INPP5F: variants seen among roughly 807,000 people sequenced by gnomAD.
The protein encoded by INPP5F is inositol polyphosphate-5-phosphatase F, also known as phosphatidylinositide 4-phosphatase SAC2.
INPP5F carries 97 observed loss-of-function variants against 137.2 expected under a neutral mutation model. That is an observed-to-expected ratio of 0.71 (90% CI 0.60 to 0.84). The LOEUF (loss-of-function observed/expected upper bound fraction) is 0.84, where lower values mean the gene tolerates loss of function less well. INPP5F is among the 40% of genes least tolerant of loss of function. The pLI is 0.00. For missense variants in INPP5F, 1,271 were observed against 1,371.9 expected, an observed-to-expected ratio of 0.93 and a Z score of 1.16; for synonymous variants, 504 against 476.9, an observed-to-expected ratio of 1.06 and a Z score of -0.74.
intron 19 of INPP5F, among the ~76,000 whole-genome samples, chr10:119,825,768 TCTG>T (rs895627123): frequency 2.0e-5 from 3 of 152,232 alleles, no homozygotes; most frequent in African/African-American, 7.2e-5. Flanking sequence ...TGGTCCACAT[TCTG>T]CTAGTGAAGA....
intron 3 of INPP5F, among the ~76,000 whole-genome samples, chr10:119,785,115 C>T (rs1197855763): frequency 6.6e-6 from 1 of 151,548 alleles, no homozygotes; most frequent in African/African-American, 2.4e-5. Flanking sequence ...AGTTGGTAGA[C>T]ATTTGAGTTG....
chr10:119,728,105 GA>G (rs1473784187), intron 1 of INPP5F, among the ~76,000 whole-genome samples: 1 of 152,258 alleles, frequency 6.6e-6, no homozygotes, highest in Non-Finnish European at 1.5e-5. Flanking sequence ...GTCCATGTCA[GA>G]AGGCAAATTT....
chr10:119,809,152 G>A (rs1056138780), intron 13 of INPP5F, among the ~76,000 whole-genome samples: 1 of 151,516 alleles, frequency 6.6e-6, no homozygotes, highest in African/African-American at 2.4e-5. Context: ...ACTTGAACCC[G>A]GGAGGCAGAG....
intron 15 of INPP5F, chr10:119,819,820 C>T (rs1161843111): frequency 7.0e-6 from 2 of 286,840 alleles, no homozygotes; most frequent in Middle Eastern, 9.7e-4. Flanking sequence ...TAAAAAACTG[C>T]AGTTTAAGAT....
At chr10:119,740,151 C>T (rs1046476730) in intron 1 of INPP5F, among the ~76,000 whole-genome samples, 1 of 152,130 alleles carries the variant, frequency 6.6e-6, no homozygotes, top group African/African-American at 2.4e-5. Context: ...GGACCTTGTA[C>T]TTACTCACAT....
chr10:119,827,724 C>G lies in INPP5F; in HGVS notation c.3343C>G (p.Gln1115Glu). The G allele has an allele frequency of 6.2e-7, 1 of 1,613,448 alleles. No individual in the cohort carries two copies. The highest frequency in any genetic ancestry group is 8.5e-7 in the Non-Finnish European group (1 of 1,179,566). The change falls in exon 20 of 20, where the codon CAA becomes GAA. Residue 1115 changes from glutamine (Q) to glutamate (E), a missense_variant. By Grantham distance (29) the Gln-to-Glu change is conservative. Transcript: ENST00000650623. ...ACCTGAAATCATTAATCAAGTCCAG[C>G]AAAATGAACTTAAAAAGATGTTTAT... is the stretch of plus-strand genomic sequence containing the variant. ...PEPEIINQVQQNELKKMFIQC... is the reference protein window; with the variant it reads ...PEPEIINQVQENELKKMFIQC...
In INPP5F at chr10:119,795,016, C is replaced by T. The variant is rs1353031502; in HGVS notation, c.670-1699C>T. 7.1e-5 allele frequency among the ~76,000 whole-genome samples: 9 copies of T among 126,104 alleles called. 1 individual carries two copies. The highest frequency in any genetic ancestry group is 5.4e-4 in the South Asian group (2 of 3,674). 82.7% of individuals were successfully genotyped at this position (126,104 alleles called of 152,430 possible). On this transcript the variant is annotated intron_variant, in intron 6 of 19. Transcript: ENST00000650623. ...TCACTTCCCGGATGGGGCGGCTGGC[C>T]GGGCGGGGGGCTGACCCCCCCACCT...
intron 1 of INPP5F, among the ~76,000 whole-genome samples, chr10:119,749,219 C>T (rs1220323143): frequency 6.6e-6 from 1 of 152,156 alleles, no homozygotes; most frequent in Non-Finnish European, 1.5e-5. Context: ...CAGGAATGCC[C>T]AGGTCTGGAG....
intron 2 of INPP5F, among the ~76,000 whole-genome samples, chr10:119,777,139 C>T (rs372681797): frequency 3.3e-5 from 5 of 152,150 alleles, no homozygotes; most frequent in African/African-American, 1.2e-4. Flanking sequence ...GAGTGATCCT[C>T]CCTTCTCAGC....
intron 9 of INPP5F, among the ~76,000 whole-genome samples, chr10:119,801,877 C>T (rs765042003): frequency 5.3e-4 from 80 of 152,218 alleles, no homozygotes; most frequent in Non-Finnish European, 1.0e-3. Context: ...CCACACTCAT[C>T]CTGCTCCCTG....
chr10:119,811,933 G>T lies in INPP5F; in HGVS notation c.1864G>T (p.Ala622Ser). ...PDDEKFHGGWALIDCDPSLID... is the reference protein window; with the variant it reads ...PDDEKFHGGWSLIDCDPSLID... ...TGATGAGAAGTTCCATGGGGGCTGG[G>T]CCCTCATTGACTGTGACCCTAGGTG... is the stretch of plus-strand genomic sequence containing the variant. The change falls in exon 15 of 20, where the codon GCC (alanine) becomes TCC (serine). Residue 622 changes from alanine (A) to serine (S), a missense_variant. Ala to Ser is a moderately conservative substitution (Grantham distance 99). This residue lies in a region of INPP5F where 593 missense variants were observed against 712.4 expected (regional missense o/e 0.83). Transcript: ENST00000650623. The T allele has an allele frequency of 6.2e-7, 1 of 1,614,156 alleles. No individual in the cohort carries two copies. Among genetic ancestry groups the T allele is most frequent in the Non-Finnish European group, 8.5e-7 (1 of 1,179,994 alleles).
rs367714351 is a variant in INPP5F at position 119,808,597 on chromosome 10, G to A, written c.1569+537G>A. On this transcript the variant is annotated intron_variant, in intron 13 of 19. Transcript: ENST00000650623. ...GGGCTTAGAATATTCTCTGACACAC[G>A]TAAATGCGGAAGAAATGTTTTAGTT... Among the ~76,000 whole-genome samples the A allele has an allele frequency of 3.5e-4, 53 of 152,314 alleles. 2 individuals carry two copies. The highest frequency in any genetic ancestry group is 1.2e-3 in the African/African-American group (50 of 41,568).
intron 2 of INPP5F, among the ~76,000 whole-genome samples, chr10:119,755,904 T>G (rs1474008283): frequency 6.6e-6 from 1 of 152,226 alleles, no homozygotes; most frequent in Non-Finnish European, 1.5e-5. Context: ...ACGCCTGTAA[T>G]CCTAGCACTT....
rs574951588 is a variant in INPP5F at position 119,728,626 on chromosome 10, C to T, written c.97+2267C>T. ...TTGTGGGCATCGTGGTTTTTACATT[C>T]GTGACTATTGAACAACCTGAAACAA... is the stretch of plus-strand genomic sequence containing the variant. On this transcript the variant is annotated intron_variant, in intron 1 of 19. Transcript: ENST00000650623. Among the ~76,000 whole-genome samples the T allele has an allele frequency of 3.3e-5, 5 of 152,272 alleles. No homozygotes were observed. The South Asian group carries it at 8.3e-4, about 25-fold the overall frequency.
rs530714352 is a variant in INPP5F, at chr10:119,798,171, A to G, written c.1049-372A>G. On this transcript the variant is annotated intron_variant, in intron 8 of 19. Transcript: ENST00000650623. Reference sequence around the variant, plus strand: ...GAGCTTGATTTTAAAAAAAATGTTAAAGTAAATTTCTCTCTCAACTTAGTT... The same window carrying G: ...GAGCTTGATTTTAAAAAAAATGTTAGAGTAAATTTCTCTCTCAACTTAGTT... Among the ~76,000 whole-genome samples, 9 of 152,104 alleles carry G rather than the reference A, an allele frequency of 5.9e-5. No homozygotes were observed. The South Asian group carries it at 1.7e-3, about 29-fold the overall frequency.
intron 6 of INPP5F, among the ~76,000 whole-genome samples, chr10:119,794,799 C>T (rs1850283043): frequency 8.3e-6 from 1 of 120,468 alleles, no homozygotes; most frequent in South Asian, 3.9e-4. Flanking sequence ...GGGGGGCTGA[C>T]CCCCCCACCT....
chr10:119,806,673 C>CT (rs1850802925), intron 12 of INPP5F, among the ~76,000 whole-genome samples, 193 bp downstream of exon 12: 1 of 152,100 alleles, frequency 6.6e-6, no homozygotes, highest in African/African-American at 2.4e-5. Context: ...GTGAGATTTT[C>CT]TTAATCACTC....
At chr10:119,736,557 A>G (rs975637517) in intron 1 of INPP5F, among the ~76,000 whole-genome samples, 2 of 152,212 alleles carry the variant, frequency 1.3e-5, no homozygotes. Context: ...ATTCATTTCC[A>G]TCAGGTCCTC....
At chr10:119,765,741 CTGTGTGTGTGTGTGTG>C (rs34906556) in intron 2 of INPP5F, among the ~76,000 whole-genome samples, 34 of 127,696 alleles carry the variant, frequency 2.7e-4, no homozygotes, top group African/African-American at 7.2e-4. Flanking sequence ...CAAGGGTAAA[CTGTGTGTGTGTGTGTG>C]TGTGTGTGTG....
Sources: allele counts gnomAD v4.1 joint callset (sites outside exome capture counted in the v4.1 genomes callset), GRCh38; gene constraint gnomAD v4.1.1; regional missense constraint gnomAD v4.1.1; transcripts MANE v1.5; gene names NCBI Gene and HGNC (gene_info 2026-07-23, HGNC 2026-07-21).